CENPW: variants seen among roughly 807,000 people sequenced by gnomAD.
CENPW encodes cancer-up-regulated gene 2 protein.
CENPW carries 3 observed loss-of-function variants against 11.1 expected under a neutral mutation model. The ratio of observed to expected loss-of-function variants is 0.27; its 90% CI spans 0.12 to 0.70. The LOEUF is 0.70. CENPW is among the 30% of genes least tolerant of loss of function. The probability of loss-of-function intolerance (pLI) is 0.77; values close to 1 mark genes in which losing one functional copy is unlikely to be tolerated. For missense variants in CENPW, 100 were observed against 105.6 expected, an observed-to-expected ratio of 0.95 and a Z score of 0.23; for synonymous variants, 38 against 42.0, an observed-to-expected ratio of 0.91 and a Z score of 0.37.
the CENPW span, among the ~76,000 whole-genome samples, chr6:126,392,753 A>G: frequency 6.6e-6 from 1 of 151,642 alleles, no homozygotes; most frequent in East Asian, 1.9e-4. Flanking sequence ...AGCTTCTAGT[A>G]TTCTTTTTCT....
At chr6:126,358,101 T>C in the CENPW span, among the ~76,000 whole-genome samples, 1 of 152,242 alleles carries the variant, frequency 6.6e-6, no homozygotes, top group Non-Finnish European at 1.5e-5. Context: ...TTGTCACTTA[T>C]AGGAGCCTTT....
the CENPW span, among the ~76,000 whole-genome samples, chr6:126,418,367 GAATA>G: frequency 2.0e-5 from 3 of 152,168 alleles, no homozygotes; most frequent in Non-Finnish European, 2.9e-5. Context: ...GCTGATGAAT[GAATA>G]AATAAAATGT....
chr6:126,355,977 C>A, the CENPW span, among the ~76,000 whole-genome samples: 1 of 152,102 alleles, frequency 6.6e-6, no homozygotes, highest in African/African-American at 2.4e-5. Context: ...CATTACTTTA[C>A]TTAACTGTAA....
the CENPW span, among the ~76,000 whole-genome samples, chr6:126,376,732 C>A: frequency 6.6e-6 from 1 of 152,150 alleles, no homozygotes; most frequent in African/African-American, 2.4e-5. Context: ...CTAAGGCAAA[C>A]TGAAGGGCAC....
the CENPW span, among the ~76,000 whole-genome samples, chr6:126,411,986 CTT>C: frequency 3.7e-5 from 1 of 26,908 alleles, no homozygotes; most frequent in Non-Finnish European, 7.2e-5. Flanking sequence ...TCCTTCCTTC[CTT>C]CCCCCACTCC....
the CENPW span, among the ~76,000 whole-genome samples, chr6:126,472,396 A>G: frequency 6.6e-6 from 1 of 152,172 alleles, no homozygotes; most frequent in Non-Finnish European, 1.5e-5. Flanking sequence ...GGTTTATATG[A>G]ATGGAATCAT....
intron 1 of CENPW, among the ~76,000 whole-genome samples, chr6:126,343,500 G>T (rs111879692): frequency 0.036 from 5,421 of 152,232 alleles, 314 homozygotes; most frequent in African/African-American, 0.12. Context: ...CCCACAATAG[G>T]CCATCTGCAA....
At chr6:126,454,085 C>T in the CENPW span, among the ~76,000 whole-genome samples, 1 of 151,212 alleles carries the variant, frequency 6.6e-6, no homozygotes. Flanking sequence ...GCTCTTAGAG[C>T]CCTACAAAGA....
At chr6:126,407,813 T>C in the CENPW span, among the ~76,000 whole-genome samples, 1 of 152,212 alleles carries the variant, frequency 6.6e-6, no homozygotes, top group East Asian at 1.9e-4. Flanking sequence ...TTAAGTTCCT[T>C]GTAGACTCTT....
At chr6:126,412,062 C>T in the CENPW span, among the ~76,000 whole-genome samples, 2 of 137,578 alleles carry the variant, frequency 1.5e-5, no homozygotes, top group Non-Finnish European at 3.2e-5. Context: ...ACCCCTCCCT[C>T]CCTCCCTCCT....
chr6:126,438,250 A>G, the CENPW span, among the ~76,000 whole-genome samples: 2 of 151,702 alleles, frequency 1.3e-5, no homozygotes, highest in African/African-American at 4.8e-5. Context: ...CTCTTATTAT[A>G]TAAACCTAAA....
At chr6:126,481,762 A>G in the CENPW span, among the ~76,000 whole-genome samples, 4 of 152,098 alleles carry the variant, frequency 2.6e-5, no homozygotes, top group Non-Finnish European at 4.4e-5. Context: ...TTCCAAGTGA[A>G]TGTACCCATT....
the CENPW span, among the ~76,000 whole-genome samples, chr6:126,367,160 A>G: frequency 2.0e-5 from 3 of 152,090 alleles, no homozygotes; most frequent in African/African-American, 4.8e-5. Flanking sequence ...TCAGAGTCAT[A>G]TATTTTAAAA....
Position 126,340,714 on chromosome 6 carries a change from C to T in CENPW, c.126+315C>T, listed in dbSNP as rs118102607. Reference sequence around the variant, plus strand: ...TGCTGTTTAGGAACACAATCTGGCACCGTGATTAATGTACTTGCAAAGGGT... The same window carrying T: ...TGCTGTTTAGGAACACAATCTGGCATCGTGATTAATGTACTTGCAAAGGGT... On this transcript the variant is annotated intron_variant, in intron 1 of 2. Transcript: ENST00000368328. Among the ~76,000 whole-genome samples, 1,414 of 152,256 alleles carry T rather than the reference C, an allele frequency of 9.3e-3. 8 individuals are homozygous for T. Among genetic ancestry groups the T allele is most frequent in the Non-Finnish European group, 0.016 (1,105 of 68,016 alleles).
the CENPW span, among the ~76,000 whole-genome samples, chr6:126,469,406 A>T: frequency 6.6e-6 from 1 of 152,200 alleles, no homozygotes; most frequent in Non-Finnish European, 1.5e-5. Context: ...GACATGCAGA[A>T]CTATGAGTCA....
At chr6:126,390,318 TTTG>T in the CENPW span, among the ~76,000 whole-genome samples, 4 of 151,860 alleles carry the variant, frequency 2.6e-5, no homozygotes, top group Admixed American at 1.3e-4. Flanking sequence ...TTTCTAAAAT[TTTG>T]TTATTTTGAA....
chr6:126,358,849 T>C, the CENPW span, among the ~76,000 whole-genome samples: 1 of 152,086 alleles, frequency 6.6e-6, no homozygotes, highest in East Asian at 1.9e-4. Flanking sequence ...GTTCCAAAAT[T>C]TAATCATAAA....
At chr6:126,342,244 G>C (rs1780327238) in intron 1 of CENPW, among the ~76,000 whole-genome samples, 1 of 152,162 alleles carries the variant, frequency 6.6e-6, no homozygotes, top group Admixed American at 6.5e-5. Flanking sequence ...AGAAAAGCTA[G>C]AATCATGAAA....
At chr6:126,446,347 C>T in the CENPW span, among the ~76,000 whole-genome samples, 1 of 143,562 alleles carries the variant, frequency 7.0e-6, no homozygotes, top group Non-Finnish European at 1.5e-5. Flanking sequence ...TTCAAATGAC[C>T]CCCTCCCTGG....
Sources: allele counts gnomAD v4.1 joint callset (sites outside exome capture counted in the v4.1 genomes callset), GRCh38; gene constraint gnomAD v4.1.1; transcripts MANE v1.5; gene names NCBI Gene and HGNC (gene_info 2026-07-23, HGNC 2026-07-21).